PITPNC1: variants seen among roughly 807,000 people sequenced by gnomAD.
PITPNC1 encodes the protein cytoplasmic phosphatidylinositol transfer protein 1.
PITPNC1 carries 18 observed loss-of-function variants against 44.7 expected under a neutral mutation model. The ratio of observed to expected loss-of-function variants is 0.40; its 90% confidence interval spans 0.28 to 0.60. The LOEUF is 0.60. Ranked by LOEUF, PITPNC1 falls within the 20% of genes least tolerant of loss-of-function variation. The pLI is 0.39. For missense variants in PITPNC1, 290 were observed against 418.4 expected, an observed-to-expected ratio of 0.69 and a Z score of 2.68; for synonymous variants, 141 against 149.6, an observed-to-expected ratio of 0.94 and a Z score of 0.42.
intron 4 of PITPNC1, among the ~76,000 whole-genome samples, chr17:67,556,929 A>T (rs2144180128): frequency 6.6e-6 from 1 of 152,254 alleles, no homozygotes; most frequent in East Asian, 1.9e-4. Flanking sequence ...TGTAGGAAGG[A>T]GAGAGGGATT....
chr17:67,543,269 A>G (rs2040633258), intron 2 of PITPNC1, among the ~76,000 whole-genome samples: 1 of 152,084 alleles, frequency 6.6e-6, no homozygotes, highest in African/African-American at 2.4e-5. Context: ...AGCTGCCCTG[A>G]GTAGATCTGA....
chr17:67,668,268 C>T (rs1234672669), intron 6 of PITPNC1, among the ~76,000 whole-genome samples: 1 of 152,204 alleles, frequency 6.6e-6, no homozygotes, highest in Non-Finnish European at 1.5e-5. Context: ...TTTTGCTTAA[C>T]ATAGCATCAG....
At chr17:67,466,640 G>A (rs887586933) in intron 1 of PITPNC1, among the ~76,000 whole-genome samples, 6 of 152,124 alleles carry the variant, frequency 3.9e-5, no homozygotes, top group Non-Finnish European at 8.8e-5. Flanking sequence ...ATTCAGTGTT[G>A]TTAGCCCTTT....
At position 67,463,323 on chromosome 17, in the gene PITPNC1, T is replaced by C. The variant is rs758582496; in HGVS notation, c.49-69479T>C. Among the ~76,000 whole-genome samples, 40 of 152,218 alleles carry C rather than the reference T, an allele frequency of 2.6e-4. 1 individual carries two copies. The highest frequency in any genetic ancestry group is 7.2e-4 in the Admixed American group (11 of 15,292). On this transcript the variant is annotated intron_variant, in intron 1 of 8. Transcript: ENST00000581322. ...TTTGATCAGTTTTTTTTTAAACTTATGTGCATTATTGATTAATCACTTAAT... is the reference window on the plus strand; with the variant it reads ...TTTGATCAGTTTTTTTTTAAACTTACGTGCATTATTGATTAATCACTTAAT...
At chr17:67,584,716 G>A (rs2045500857) in intron 5 of PITPNC1, among the ~76,000 whole-genome samples, 2 of 152,136 alleles carry the variant, frequency 1.3e-5, no homozygotes, top group South Asian at 4.1e-4. Context: ...ATGAGACTCT[G>A]ATTTTGTCTC....
intron 1 of PITPNC1, among the ~76,000 whole-genome samples, chr17:67,422,640 C>T (rs1310777450): frequency 1.3e-5 from 2 of 150,998 alleles, no homozygotes; most frequent in Admixed American, 6.6e-5. Flanking sequence ...CTCTACCTCC[C>T]AGGTTCAAGA....
intron 4 of PITPNC1, among the ~76,000 whole-genome samples, chr17:67,556,238 T>C (rs113033621): frequency 5.4e-4 from 82 of 152,138 alleles, no homozygotes; most frequent in Non-Finnish European, 1.0e-3. Flanking sequence ...GGGACAGGGC[T>C]ACAGTCCCCA....
chr17:67,436,326 T>C (rs2038936351), intron 1 of PITPNC1, among the ~76,000 whole-genome samples: 2 of 152,136 alleles, frequency 1.3e-5, no homozygotes, highest in African/African-American at 2.4e-5. Context: ...TTAAAAAGAA[T>C]GGACAGAAAA....
At chr17:67,417,643 T>G (rs1227495233) in intron 1 of PITPNC1, among the ~76,000 whole-genome samples, 1 of 152,236 alleles carries the variant, frequency 6.6e-6, no homozygotes, top group Non-Finnish European at 1.5e-5. Context: ...TATTTATATT[T>G]GCACAGCTCT....
chr17:67,389,494 C>T (rs1019758455), intron 1 of PITPNC1, among the ~76,000 whole-genome samples: 8 of 152,200 alleles, frequency 5.3e-5, no homozygotes, highest in Middle Eastern at 3.2e-3. Context: ...AGGCCTGCAG[C>T]GGCTGACAGG....
chr17:67,416,043 T>C (rs1266833950), intron 1 of PITPNC1, among the ~76,000 whole-genome samples: 2 of 152,108 alleles, frequency 1.3e-5, no homozygotes, highest in African/African-American at 4.8e-5. Context: ...ACCGCCGTTA[T>C]GTATAGATTA....
intron 5 of PITPNC1, among the ~76,000 whole-genome samples, chr17:67,605,290 A>G (rs1478935593): frequency 6.6e-6 from 1 of 152,150 alleles, no homozygotes; most frequent in Non-Finnish European, 1.5e-5. Flanking sequence ...CCCACAGCCA[A>G]AACTTCTCAG....
In PITPNC1 at chr17:67,696,503, GT is replaced by G. The variant is rs1290545085; in HGVS notation, c.*3619del. The G allele has an allele frequency of 2.6e-5, 4 of 152,272 alleles. No individual in the cohort carries two copies. Among genetic ancestry groups the G allele is most frequent in the Middle Eastern group, 3.4e-3 (1 of 294 alleles). 9.4% of individuals were successfully genotyped at this position (152,272 alleles called of 1,614,324 possible). A position where few individuals can be genotyped will look rare whatever the true frequency, so the allele number is the denominator to read the frequency against. ...CCAATAGAGAGGAATTGTCCAAATA[GT>G]TTTAGTACCTTTCTGATCATCTGAC... On this transcript the variant is annotated 3_prime_UTR_variant, in exon 9 of 9. Coordinates refer to ENST00000581322, the MANE Select transcript of PITPNC1 (RefSeq NM_012417.4).
At chr17:67,652,419 T>G (rs1389515066) in intron 6 of PITPNC1, among the ~76,000 whole-genome samples, 1 of 152,124 alleles carries the variant, frequency 6.6e-6, no homozygotes, top group Non-Finnish European at 1.5e-5. Context: ...GCTGATCCTA[T>G]AGAGTGGACG....
At chr17:67,556,657 A>G in intron 4 of PITPNC1, among the ~76,000 whole-genome samples, 1 of 152,136 alleles carries the variant, frequency 6.6e-6, no homozygotes, top group East Asian at 1.9e-4. Flanking sequence ...AGATTCAGCC[A>G]TCTGGTCTGA....
chr17:67,548,272 G>A (rs763291988), intron 2 of PITPNC1, among the ~76,000 whole-genome samples: 7 of 152,172 alleles, frequency 4.6e-5, no homozygotes, highest in Non-Finnish European at 8.8e-5. Context: ...TCATTGATAT[G>A]TTCTATTTTA....
chr17:67,532,173 C>T (rs1417892829), intron 1 of PITPNC1, among the ~76,000 whole-genome samples: 2 of 152,146 alleles, frequency 1.3e-5, no homozygotes, highest in East Asian at 1.9e-4. Flanking sequence ...AGGTGGTCCT[C>T]GGAGAGGAGC....
intron 1 of PITPNC1, among the ~76,000 whole-genome samples, chr17:67,379,858 A>G (rs772126881): frequency 6.6e-6 from 1 of 152,158 alleles, no homozygotes; most frequent in Non-Finnish European, 1.5e-5. Flanking sequence ...GCAGGTGATA[A>G]TCAAGAAAAG....
chr17:67,574,806 C>A (rs1229714476), intron 4 of PITPNC1, among the ~76,000 whole-genome samples: 1 of 152,094 alleles, frequency 6.6e-6, no homozygotes, highest in Non-Finnish European at 1.5e-5. Context: ...TCAGCCCCAA[C>A]CACCTGCCGA....
Sources: allele counts gnomAD v4.1 joint callset (sites outside exome capture counted in the v4.1 genomes callset), GRCh38; gene constraint gnomAD v4.1.1; transcripts MANE v1.5; gene names NCBI Gene and HGNC (gene_info 2026-07-23, HGNC 2026-07-21).